The following C20orf96 variants were observed in gnomAD, a reference collection of about 807,000 sequenced individuals.
C20orf96 encodes chromosome 20 open reading frame 96.
A neutral mutation model predicts 52.6 loss-of-function variants in C20orf96; 57 were observed. The ratio of observed to expected loss-of-function variants is 1.08; its 90% CI spans 0.88 to 1.35. The LOEUF (loss-of-function observed/expected upper bound fraction) is 1.35. Ranked by LOEUF, C20orf96 falls within the 40% of genes most tolerant of loss-of-function variation. C20orf96 has a pLI of 0.00. For missense variants in C20orf96, 478 were observed against 443.6 expected, an observed-to-expected ratio of 1.08 and a Z score of -0.70; for synonymous variants, 168 against 157.2, an observed-to-expected ratio of 1.07 and a Z score of -0.51.
rs2012009587 is a variant in C20orf96 at position 276,030 on chromosome 20, G to C, written c.969C>G (p.Leu323=). 3.7e-6 allele frequency: 6 copies of C among 1,614,034 alleles called. No individual in the cohort carries two copies. Among genetic ancestry groups the C allele is most frequent in the Admixed American group, 3.3e-5 (2 of 59,998 alleles). Residue 323 remains leucine, a synonymous_variant, in exon 10 of 11, where the codon CTC becomes CTG. Coordinates refer to ENST00000360321, the MANE Select transcript of C20orf96 (RefSeq NM_153269.3). ...CTCGGGGTTCCCGGGTCTGGGCTTGGAGCTCTTCCACCTCGGCCCTTAATA... is the reference window on the plus strand; with the variant it reads ...CTCGGGGTTCCCGGGTCTGGGCTTGCAGCTCTTCCACCTCGGCCCTTAATA... ...MPVLRAEVEE[L]QAQTREPREV...
intron 4 of C20orf96, among the ~76,000 whole-genome samples, chr20:280,464 A>G (rs1336770579): frequency 6.6e-6 from 1 of 152,276 alleles, no homozygotes; most frequent in East Asian, 1.9e-4. Context: ...CTTGCTCTGC[A>G]GGTGGCACAT....
chr20:277,152 G>A lies in C20orf96; in HGVS notation c.724-7C>T. The stretch of plus-strand genomic sequence containing the variant: ...CGAGGTCATCCAGCTCATCCTGGGA[G>A]CCAGCAGAAGGGTGTTGGTCACCAG... On this transcript the variant is annotated splice_polypyrimidine_tract_variant and splice_region_variant and intron_variant, in intron 7 of 10. Coordinates refer to ENST00000360321, the MANE Select transcript of C20orf96 (RefSeq NM_153269.3). 6.2e-7 allele frequency: 1 copy of A among 1,613,782 alleles called. No homozygotes were observed. Among genetic ancestry groups the A allele is most frequent in the Non-Finnish European group, 8.5e-7 (1 of 1,179,778 alleles).
chr20:279,054 G>GGGAGGGAT (rs2012149988), intron 5 of C20orf96, 118 bp downstream of exon 5: 1 of 374,854 alleles, frequency 2.7e-6, no homozygotes, highest in Non-Finnish European at 4.1e-6. Flanking sequence ...GCGGGAGGGC[G>GGGAGGGAT]GGACGGAGGG....
At chr20:276,423 T>G (rs2012025766) in intron 9 of C20orf96, 10 of 985,086 alleles carry the variant, frequency 1.0e-5, no homozygotes, top group African/African-American at 1.7e-5. Flanking sequence ...GGCAAGATAA[T>G]GAAAATTAAT....
chr20:279,694 G>A (rs1414244832), intron 4 of C20orf96, among the ~76,000 whole-genome samples: 1 of 152,146 alleles, frequency 6.6e-6, no homozygotes, highest in Admixed American at 6.5e-5. Context: ...AGTAAGGGCC[G>A]GGCGGGGTGG....
At position 275,925 on chromosome 20, in the gene C20orf96, G is replaced by C. The variant is rs1244309270; in HGVS notation, c.1031+43C>G. 7 of 1,558,980 alleles carry C rather than the reference G, an allele frequency of 4.5e-6. No individual in the cohort carries two copies. The African/African-American group carries it at 9.5e-5, about 21-fold the overall frequency. On this transcript the variant is annotated intron_variant, in intron 10 of 10. Transcript: ENST00000360321. ...AGAACAGAGAGCCTCCGTGAGCTCA[G>C]AGTGTGACTGGTTTAAGAGGCAGTG...
intron 9 of C20orf96, chr20:276,392 C>T (rs2012024977): frequency 2.0e-6 from 2 of 985,130 alleles, no homozygotes. Flanking sequence ...GAAGGGCATA[C>T]ACATTAAAAA....
At chr20:283,232 G>T (rs1225481462) in intron 4 of C20orf96, among the ~76,000 whole-genome samples, 1 of 152,136 alleles carries the variant, frequency 6.6e-6, no homozygotes, top group South Asian at 2.1e-4. Flanking sequence ...CAATTGTAGC[G>T]ATTGATGTGA....
intron 10 of C20orf96, 108 bp downstream of exon 10, chr20:275,860 T>G: frequency 1.9e-6 from 2 of 1,037,162 alleles, no homozygotes; most frequent in Non-Finnish European, 1.5e-6. Context: ...CCTCCCTCCC[T>G]GTACAGGGTT....
intron 8 of C20orf96, 53 bp downstream of exon 8, chr20:276,991 G>A (rs1369235595): frequency 2.6e-5 from 42 of 1,591,750 alleles, no homozygotes; most frequent in Admixed American, 6.7e-5. Context: ...GGAAGAGGGC[G>A]GGGTGGGGGT....
intron 5 of C20orf96, 71 bp downstream of exon 5, chr20:279,096 GAGGGA>G (rs2122270251): frequency 5.1e-6 from 5 of 989,820 alleles, no homozygotes; most frequent in East Asian, 3.8e-5. Flanking sequence ...GGGCGGGACG[GAGGGA>G]CGGAGGGAGG....
intron 9 of C20orf96, 150 bp downstream of exon 9, chr20:276,643 G>A: frequency 6.8e-7 from 1 of 1,464,646 alleles, no homozygotes. Flanking sequence ...ACAAGTGACA[G>A]TAATGGCACC....
At chr20:278,747 G>A (rs943787139) in intron 5 of C20orf96, among the ~76,000 whole-genome samples, 1 of 149,292 alleles carries the variant, frequency 6.7e-6, no homozygotes, top group Non-Finnish European at 1.5e-5. Context: ...CACAGAGCTC[G>A]GGGAGGCAAA....
Position 275,968 on chromosome 20 carries a change from T to G in C20orf96, c.1031A>C (p.Lys344Thr), listed in dbSNP as rs2012005804. The G allele has an allele frequency of 6.2e-7, 1 of 1,613,734 alleles. No homozygotes were observed. The highest frequency in any genetic ancestry group is 1.3e-5 in the African/African-American group (1 of 74,996). The change falls in exon 10 of 11, where the codon AAG becomes ACG. Residue 344 changes from lysine to threonine, a missense_variant and splice_region_variant. Transcript: ENST00000360321. ...IFEDVLLRRPKCTPDMDVILN... is the reference protein window; with the variant it reads ...IFEDVLLRRPTCTPDMDVILN... Reference sequence around the variant, plus strand: ...AGGCAGTGGCAAAAAGATCACATACTTGGGTCTCCGAAGCAGAACATCCTC... The same window carrying G: ...AGGCAGTGGCAAAAAGATCACATACGTGGGTCTCCGAAGCAGAACATCCTC...
chr20:279,435 C>G (rs2122276575), intron 4 of C20orf96, 105 bp from the exon 5 acceptor site: 4 of 1,273,386 alleles, frequency 3.1e-6, no homozygotes, highest in Non-Finnish European at 4.1e-6. Context: ...CGCCCGCCCC[C>G]GTGCGGCCTC....
chr20:280,072 T>C (rs2012212904), intron 4 of C20orf96, among the ~76,000 whole-genome samples: 1 of 152,042 alleles, frequency 6.6e-6, no homozygotes. Flanking sequence ...ATGATAAACG[T>C]CAGCATTTCC....
intron 4 of C20orf96, among the ~76,000 whole-genome samples, chr20:281,294 C>A (rs1001682120): frequency 4.6e-5 from 7 of 151,912 alleles, no homozygotes; most frequent in Admixed American, 3.9e-4. Flanking sequence ...TTTACGGCTG[C>A]AGTGAGCTAT....
At chr20:277,651 C>T (rs543716681) in intron 6 of C20orf96, among the ~76,000 whole-genome samples, 2 of 152,312 alleles carry the variant, frequency 1.3e-5, no homozygotes, top group African/African-American at 2.4e-5. Flanking sequence ...CACTGACTTG[C>T]CGGGTGGCTC....
chr20:273,956 GAAGAAAGAAA>G (rs972961856), intron 10 of C20orf96, among the ~76,000 whole-genome samples: 6 of 133,534 alleles, frequency 4.5e-5, no homozygotes, highest in Non-Finnish European at 9.3e-5. Context: ...AAGAAAGAAG[GAAGAAAGAAA>G]AAGAAAGAAA....
Sources: gnomAD v4.1 joint callset for allele counts (sites outside exome capture counted in the v4.1 genomes callset) on GRCh38, gnomAD v4.1.1 for gene constraint, MANE v1.5 for transcripts, NCBI Gene and HGNC (gene_info 2026-07-23, HGNC 2026-07-21) for gene names.